The following TASOR variants were observed in gnomAD, a reference collection of about 807,000 sequenced individuals.
TASOR encodes the protein protein TASOR.
Under a neutral mutation model 178.6 loss-of-function variants are expected in TASOR, and 53 were observed. The observed-to-expected ratio is 0.30, with a 90% CI of 0.24 to 0.37. The LOEUF (loss-of-function observed/expected upper bound fraction) is 0.37, where lower values mean the gene tolerates loss of function less well. TASOR is among the 10% of genes least tolerant of loss of function. TASOR has a pLI of 1.00. For synonymous variants in TASOR, 713 were observed against 696.2 expected (o/e 1.02, Z -0.38); for missense variants, 1,815 against 1,971.4 (o/e 0.92, Z 1.50).
chr3:56,660,099 G>T (rs1450713790), intron 11 of TASOR, among the ~76,000 whole-genome samples: 2 of 151,896 alleles, frequency 1.3e-5, no homozygotes. Context: ...CTGATCTTAT[G>T]ATCTGCCTGC....
At chr3:56,667,595 T>G (rs1211361962) in intron 6 of TASOR, among the ~76,000 whole-genome samples, 1 of 152,174 alleles carries the variant, frequency 6.6e-6, no homozygotes, top group Admixed American at 6.5e-5. Context: ...GGGCAGAGGT[T>G]GCAGTGAGCC....
At chr3:56,682,042 T>C (rs779089405) in intron 1 of TASOR, among the ~76,000 whole-genome samples, 26 of 152,128 alleles carry the variant, frequency 1.7e-4, no homozygotes, top group Non-Finnish European at 3.2e-4. Flanking sequence ...AATACTAAGT[T>C]CGAATTTAAA....
chr3:56,660,835 C>T lies in TASOR; in HGVS notation c.1265-1G>A. The T allele has an allele frequency of 1.9e-6, 3 of 1,613,154 alleles. No individual in the cohort carries two copies. Among genetic ancestry groups the T allele is most frequent in the Non-Finnish European group, 2.5e-6 (3 of 1,179,710 alleles). On this transcript the variant is annotated splice_acceptor_variant, in intron 10 of 23. Transcript: ENST00000683822. LOFTEE classifies it high-confidence loss of function. ...CTGCAATACATTCCATTCTTCAAAA[C>T]TGACATAAGAAAAATACATAGTAAA...
intron 3 of TASOR, among the ~76,000 whole-genome samples, chr3:56,670,999 A>G (rs2107630221): frequency 6.6e-6 from 1 of 151,336 alleles, no homozygotes; most frequent in Non-Finnish European, 1.5e-5. Flanking sequence ...TCAACAATAT[A>G]GAAGATAATC....
chr3:56,652,989 G>T (rs1000334012), intron 11 of TASOR, among the ~76,000 whole-genome samples: 7 of 152,104 alleles, frequency 4.6e-5, no homozygotes, highest in Non-Finnish European at 7.4e-5. Flanking sequence ...GCCAGGCCGG[G>T]CGCAGTGGCT....
chr3:56,646,392 C>T lies in TASOR; in HGVS notation c.2215+130G>A, dbSNP rs949778655. Reference sequence around the variant, plus strand: ...AAATGGGCATGGCTGTATTCAAATACAACTTTCTTTACAAAAATAGTGGAC... The same window carrying T: ...AAATGGGCATGGCTGTATTCAAATATAACTTTCTTTACAAAAATAGTGGAC... On this transcript the variant is annotated intron_variant, in intron 14 of 23. Coordinates refer to ENST00000683822, the MANE Select transcript of TASOR (RefSeq NM_001365635.2). 27 of 718,324 alleles carry T rather than the reference C, an allele frequency of 3.8e-5. No individual in the cohort carries two copies. In the African/African-American group the frequency reaches 4.1e-4, roughly 11 times the overall value. The allele number at this position is 718,324 out of a possible 1,614,324, so 44.5% of individuals were successfully genotyped here. A position where few individuals can be genotyped will look rare whatever the true frequency, so the allele number is the denominator to read the frequency against.
intron 1 of TASOR, among the ~76,000 whole-genome samples, chr3:56,679,924 C>T (rs1318978226): frequency 6.6e-6 from 1 of 152,142 alleles, no homozygotes; most frequent in East Asian, 1.9e-4. Context: ...GTATACCTTT[C>T]CAGTCAAAGA....
intron 14 of TASOR, among the ~76,000 whole-genome samples, chr3:56,645,861 G>A (rs145781846): frequency 6.6e-6 from 1 of 152,094 alleles, no homozygotes; most frequent in Non-Finnish European, 1.5e-5. Flanking sequence ...AAAAATAAAG[G>A]AATATGGCCA....
chr3:56,628,755 C>T (rs2076848007), intron 18 of TASOR, 141 bp from the exon 19 acceptor site: 3 of 559,424 alleles, frequency 5.4e-6, no homozygotes, highest in Non-Finnish European at 6.0e-6. Flanking sequence ...CTCTAAGAGA[C>T]CATCAAATCC....
At chr3:56,668,692 A>T in intron 5 of TASOR, 134 bp from the exon 6 acceptor site, 2 of 711,724 alleles carry the variant, frequency 2.8e-6, no homozygotes, top group South Asian at 2.1e-5. Flanking sequence ...CTCACAGAAC[A>T]GCTGGGCGCG....
In TASOR at chr3:56,638,747, G is replaced by A; in HGVS notation, c.2783C>T (p.Pro928Leu). 2 of 1,614,030 alleles carry A rather than the reference G, an allele frequency of 1.2e-6. No homozygotes were observed. Among genetic ancestry groups the A allele is most frequent in the Non-Finnish European group, 1.7e-6 (2 of 1,179,978 alleles). ...ACCATGTTTCCCCAGCTGGTCTTCT[G>A]GGCTTCTTGCATTCCCTCCTGAGGG... is the stretch of plus-strand genomic sequence containing the variant. ...IPITGGNARS[P>L]EDQLGKHGEK... The change falls in exon 17 of 24, where the codon CCA becomes CTA. Residue 928 changes from proline (P) to leucine (L), a missense_variant. By Grantham distance (98) the Pro-to-Leu change is moderately conservative. Around this residue, in one of 5 missense-constraint regions of TASOR, gnomAD observed 655 missense variants for 671.1 expected, o/e 0.98. Transcript: ENST00000683822.
chr3:56,655,754 T>A (rs1159473694), intron 11 of TASOR, among the ~76,000 whole-genome samples: 1 of 152,146 alleles, frequency 6.6e-6, no homozygotes, highest in Non-Finnish European at 1.5e-5. Context: ...ATCACACCAC[T>A]GTACTCCAGC....
In TASOR at chr3:56,668,523, T is replaced by G. The variant is rs757095752; in HGVS notation, c.771A>C (p.Val257=). 5.0e-5 allele frequency: 78 copies of G among 1,551,438 alleles called. 1 individual carries two copies. Among genetic ancestry groups the G allele is most frequent in the Non-Finnish European group, 6.5e-5 (75 of 1,146,854 alleles). Residue 257 remains valine, a synonymous_variant, in exon 6 of 24, where the codon GTA becomes GTC. Transcript: ENST00000683822. The part of the protein sequence containing the change: ...KIKSIYDPMG[V]KSLESMLNKS... ...TATTTAACATAGATTCCAAACTTTT[T>G]ACACCCATGGGGTCATATATACTCT... is the stretch of plus-strand genomic sequence containing the variant.
At chr3:56,629,094 G>A (rs1435009954) in intron 18 of TASOR, 1 of 152,524 alleles carries the variant, frequency 6.6e-6, no homozygotes, top group Non-Finnish European at 1.5e-5. Flanking sequence ...TTCTTTTCTA[G>A]AAGAGGAATC....
At chr3:56,675,146 C>T (rs1460151059) in intron 1 of TASOR, among the ~76,000 whole-genome samples, 1 of 148,798 alleles carries the variant, frequency 6.7e-6, no homozygotes, top group Non-Finnish European at 1.5e-5. Flanking sequence ...TTTTTATCCT[C>T]CACATCCCCA....
rs575022008 is a variant in TASOR at position 56,663,958 on chromosome 3, C to T, written c.1023-386G>A. 79 of 664,156 alleles carry T rather than the reference C, an allele frequency of 1.2e-4. No homozygotes were observed. In the African/African-American group the frequency reaches 1.4e-3, roughly 12 times the overall value. 41.1% of individuals were successfully genotyped at this position (664,156 alleles called of 1,614,324 possible). On this transcript the variant is annotated intron_variant, in intron 7 of 23. Transcript: ENST00000683822. ...ATACTAAGCTCTTATTTACCAGGCA[C>T]AGTTCTAGGTAATAGGATTATAGAG...
rs906392146 is a variant in TASOR, at chr3:56,620,749, A to C, written c.*2288T>G. The C allele has an allele frequency of 6.6e-5, 10 of 152,228 alleles. No homozygotes were observed. 9.4% of individuals were successfully genotyped at this position (152,228 alleles called of 1,614,324 possible). ...TAGTGGAGACAAAAATTGTGAGATA[A>C]AGAGGAAGGAATAGGATGTACACAT... On this transcript the variant is annotated 3_prime_UTR_variant, in exon 24 of 24. Coordinates refer to ENST00000683822, the MANE Select transcript of TASOR (RefSeq NM_001365635.2).
intron 14 of TASOR, among the ~76,000 whole-genome samples, chr3:56,643,773 A>C (rs9871580): frequency 6.7e-6 from 1 of 149,830 alleles, no homozygotes; most frequent in Non-Finnish European, 1.5e-5. Flanking sequence ...AAAAAACAAA[A>C]AAAAAAGTTA....
At chr3:56,641,300 T>TCA (rs1578216462) in intron 15 of TASOR, 49 bp downstream of exon 15, 15 of 1,511,530 alleles carry the variant, frequency 9.9e-6, no homozygotes, top group African/African-American at 2.8e-5. Context: ...AGCACCTCTT[T>TCA]CACACACACA....
Sources: gnomAD v4.1 joint callset for allele counts (sites outside exome capture counted in the v4.1 genomes callset) on GRCh38, gnomAD v4.1.1 for gene constraint, gnomAD v4.1.1 regional missense constraint, MANE v1.5 for transcripts, NCBI Gene and HGNC (gene_info 2026-07-23, HGNC 2026-07-21) for gene names.